The following RPS6KB1 variants were observed in gnomAD, a reference collection of about 807,000 sequenced individuals.
RPS6KB1 encodes ribosomal protein S6 kinase beta-1.
In RPS6KB1, 12 loss-of-function variants were observed where a neutral mutation model predicts 70.2. The ratio of observed to expected loss-of-function variants is 0.17; its 90% confidence interval spans 0.11 to 0.28. RPS6KB1 has a LOEUF of 0.28. RPS6KB1 is among the 10% of genes least tolerant of loss of function. The pLI is 1.00. For synonymous variants in RPS6KB1, 175 were observed against 211.2 expected (o/e 0.83, Z 1.49); for missense variants, 270 against 646.6 (o/e 0.42, Z 6.32).
chr17:59,919,635 G>A (rs572126178), intron 4 of RPS6KB1, among the ~76,000 whole-genome samples: 1 of 151,930 alleles, frequency 6.6e-6, no homozygotes, highest in Admixed American at 6.6e-5. Context: ...TTTTACATTA[G>A]TACTTTACTC....
Position 59,917,152 on chromosome 17 carries a change from CCT to C in RPS6KB1, c.381+2450_381+2451del, listed in dbSNP as rs2043005648. Among the ~76,000 whole-genome samples the C allele has an allele frequency of 2.0e-5, 3 of 151,962 alleles. No individual in the cohort carries two copies. The South Asian group carries it at 6.2e-4, about 32-fold the overall frequency. ...GTTAGTTTTTGAGATAGGGTCTCGC[CCT>C]GTCACCTAGACAGGAGTGCGGTGAC... On this transcript the variant is annotated intron_variant, in intron 4 of 14. Coordinates refer to ENST00000225577, the MANE Select transcript of RPS6KB1 (RefSeq NM_003161.4).
chr17:59,950,144 ATTC>A lies in RPS6KB1; in HGVS notation c.*3359_*3361del, dbSNP rs1439736614. 1 of 152,530 alleles carries A rather than the reference ATTC, an allele frequency of 6.6e-6. No homozygotes were observed. The highest frequency in any genetic ancestry group is 2.4e-5 in the African/African-American group (1 of 41,450). 9.4% of individuals were successfully genotyped at this position (152,530 alleles called of 1,614,324 possible). On this transcript the variant is annotated 3_prime_UTR_variant, in exon 15 of 15. Transcript: ENST00000225577. ...TTAATACAGTACTTTTTCTTGTGTG[ATTC>A]TTAACATTATAGCACAAGTATTATC... is the stretch of plus-strand genomic sequence containing the variant.
At chr17:59,921,938 T>A (rs1330081469) in intron 4 of RPS6KB1, among the ~76,000 whole-genome samples, 1 of 152,168 alleles carries the variant, frequency 6.6e-6, no homozygotes, top group Non-Finnish European at 1.5e-5. Flanking sequence ...AGTTAATAAA[T>A]TTTAGTTAAT....
Position 59,934,635 on chromosome 17 carries a change from A to G in RPS6KB1, c.870+111A>G. On this transcript the variant is annotated intron_variant, in intron 9 of 14. Transcript: ENST00000225577. This position sits in a 1 kb window ranked among gnomAD's most constrained non-coding sequence, Gnocchi z 4.8. ...GTTACCAGTGGAGTTTTCAAAGCCC[A>G]AAGATTTGTTATTAGCAGTTTAACA... 1 of 741,042 alleles carries G rather than the reference A, an allele frequency of 1.3e-6. No individual in the cohort carries two copies. Among genetic ancestry groups the G allele is most frequent in the South Asian group, 1.8e-5 (1 of 55,804 alleles). The allele number at this position is 741,042 out of a possible 1,614,324, so 45.9% of individuals were successfully genotyped here.
At chr17:59,936,825 G>A (rs556109480) in intron 12 of RPS6KB1, among the ~76,000 whole-genome samples, 10 of 152,222 alleles carry the variant, frequency 6.6e-5, no homozygotes, top group Admixed American at 5.2e-4. Flanking sequence ...TTTATTAGCA[G>A]TTCAAAGATC....
rs1348374886 is a variant in RPS6KB1 at position 59,950,505 on chromosome 17, TTA to T, written c.*3719_*3720del. 3.7e-5 allele frequency: 4 copies of T among 109,562 alleles called. No individual in the cohort carries two copies. The highest frequency in any genetic ancestry group is 2.7e-4 in the Admixed American group (3 of 11,018). 6.8% of individuals were successfully genotyped at this position (109,562 alleles called of 1,614,324 possible). A position where few individuals can be genotyped will look rare whatever the true frequency, so the allele number is the denominator to read the frequency against. On this transcript the variant is annotated 3_prime_UTR_variant, in exon 15 of 15. Transcript: ENST00000225577. ...TATCAGGTGTATAAATGGTTTAAAT[TTA>T]TTTTAACATGTCAGATGTGTTCAAG...
intron 6 of RPS6KB1, 132 bp downstream of exon 6, chr17:59,930,306 G>C (rs755718209): frequency 1.4e-6 from 1 of 721,968 alleles, no homozygotes; most frequent in Non-Finnish European, 2.5e-6. Flanking sequence ...AGGGGGAGAA[G>C]CAGTTTTGGG....
At chr17:59,919,972 T>C (rs1008573687) in intron 4 of RPS6KB1, among the ~76,000 whole-genome samples, 1 of 152,230 alleles carries the variant, frequency 6.6e-6, no homozygotes, top group Admixed American at 6.5e-5. Context: ...GGACCATTGC[T>C]TTATCCCCAC....
At position 59,932,049 on chromosome 17, in the gene RPS6KB1, G is replaced by A. The variant is rs565174995; in HGVS notation, c.688+327G>A. Among the ~76,000 whole-genome samples the A allele has an allele frequency of 2.9e-4, 44 of 152,026 alleles. 1 individual carries two copies. Among genetic ancestry groups the A allele is most frequent in the Middle Eastern group, 3.4e-3 (1 of 294 alleles). ...AAAAGCCAGTCTAAACATTAATTTT[G>A]GCTTGTTACTTAAATTGAAAAGTGA... On this transcript the variant is annotated intron_variant, in intron 7 of 14. Transcript: ENST00000225577.
At chr17:59,915,780 T>TTTTC (rs2042915497) in intron 4 of RPS6KB1, among the ~76,000 whole-genome samples, 1 of 117,682 alleles carries the variant, frequency 8.5e-6, no homozygotes, top group Non-Finnish European at 1.8e-5. Flanking sequence ...GCTATCTTTT[T>TTTTC]TTTTTTTTTT....
rs1268528340 is a variant in RPS6KB1 at position 59,947,974 on chromosome 17, AT to A, written c.*1195del. The A allele has an allele frequency of 1.3e-4, 24 of 189,848 alleles. No individual in the cohort carries two copies. The highest frequency in any genetic ancestry group is 1.2e-3 in the East Asian group (10 of 8,294). 11.8% of individuals were successfully genotyped at this position (189,848 alleles called of 1,614,324 possible). On this transcript the variant is annotated 3_prime_UTR_variant, in exon 15 of 15. Transcript: ENST00000225577. ...CAGTTTTAAAAAGAAAAAAAGGTCT[AT>A]TTTTTTTTCTCCTATACTTGGGCTA...
At chr17:59,911,456 G>T (rs1258927059) in intron 2 of RPS6KB1, among the ~76,000 whole-genome samples, 4 of 151,606 alleles carry the variant, frequency 2.6e-5, no homozygotes, top group Non-Finnish European at 4.4e-5. Flanking sequence ...CACCTCCTGG[G>T]TTCAAGCGAT....
At chr17:59,905,729 C>G (rs2042227453) in intron 1 of RPS6KB1, among the ~76,000 whole-genome samples, 1 of 152,132 alleles carries the variant, frequency 6.6e-6, no homozygotes, top group African/African-American at 2.4e-5. Flanking sequence ...TGATTTTGAA[C>G]TCCTGACCTC....
At chr17:59,914,551 G>A in intron 3 of RPS6KB1, 84 bp from the exon 4 acceptor site, 4 of 935,948 alleles carry the variant, frequency 4.3e-6, no homozygotes, top group Non-Finnish European at 7.0e-6. Context: ...AACTGCTGTG[G>A]CATATGTTTC....
At chr17:59,894,330 G>A (rs1478050538) in intron 1 of RPS6KB1, among the ~76,000 whole-genome samples, 1 of 151,790 alleles carries the variant, frequency 6.6e-6, no homozygotes, top group Non-Finnish European at 1.5e-5. Context: ...CAAAAATGTT[G>A]TCATACTAAA....
At chr17:59,895,949 A>G (rs1425613329) in intron 1 of RPS6KB1, among the ~76,000 whole-genome samples, 2 of 152,136 alleles carry the variant, frequency 1.3e-5, no homozygotes, top group East Asian at 1.9e-4. Flanking sequence ...TGCTTTTTCA[A>G]TGATGTTTTC....
chr17:59,907,872 G>A (rs2042363614), intron 1 of RPS6KB1, among the ~76,000 whole-genome samples: 1 of 152,036 alleles, frequency 6.6e-6, no homozygotes, highest in Non-Finnish European at 1.5e-5. Flanking sequence ...AAATGGAATT[G>A]TTACCTTCAT....
chr17:59,910,268 G>A (rs1330200356), intron 1 of RPS6KB1, among the ~76,000 whole-genome samples: 4 of 151,552 alleles, frequency 2.6e-5, no homozygotes, highest in Admixed American at 6.6e-5. Context: ...CACTTGAGGA[G>A]TTTAAGGCTC....
At chr17:59,931,519 C>G (rs2043922937) in intron 6 of RPS6KB1, 103 bp from the exon 7 acceptor site, 1 of 856,544 alleles carries the variant, frequency 1.2e-6, no homozygotes, top group African/African-American at 1.7e-5. Context: ...CTAATTTGGT[C>G]TTTGGTGCAT....
Sources: allele counts gnomAD v4.1 joint callset (sites outside exome capture counted in the v4.1 genomes callset), GRCh38; gene constraint gnomAD v4.1.1; non-coding constraint Gnocchi (gnomAD v3.1); transcripts MANE v1.5; gene names NCBI Gene and HGNC (gene_info 2026-07-23, HGNC 2026-07-21).